The following BRSK2 variants were observed in gnomAD, a reference collection of about 807,000 sequenced individuals.
The protein encoded by BRSK2 is serine/threonine-protein kinase BRSK2.
BRSK2 carries 19 observed loss-of-function variants against 83.3 expected under a neutral mutation model. The ratio of observed to expected loss-of-function variants is 0.23; its 90% CI spans 0.16 to 0.33. The LOEUF (loss-of-function observed/expected upper bound fraction) is 0.33. Ranked by LOEUF, BRSK2 falls within the 10% of genes least tolerant of loss-of-function variation. The pLI, the probability that BRSK2 is intolerant of heterozygous loss-of-function variation, is 1.00. For synonymous variants in BRSK2, 519 were observed against 435.4 expected, an observed-to-expected ratio of 1.19 and a Z score of -2.39; for missense variants, 798 against 1,042.3, an observed-to-expected ratio of 0.77 and a Z score of 3.23.
At chr11:1,452,032 G>C (rs373960722) in intron 15 of BRSK2, among the ~76,000 whole-genome samples, 1 of 152,144 alleles carries the variant, frequency 6.6e-6, no homozygotes, top group African/African-American at 2.4e-5. Context: ...GCAGTGTCTC[G>C]GAGACCAGGC....
intron 1 of BRSK2, among the ~76,000 whole-genome samples, chr11:1,426,245 G>T: frequency 6.6e-6 from 1 of 150,920 alleles, no homozygotes; most frequent in East Asian, 2.0e-4. Context: ...GTGCTCCGGG[G>T]ATGTGTGTGG....
At position 1,450,813 on chromosome 11, in the gene BRSK2, GC is replaced by G. The variant is rs1845727115; in HGVS notation, c.1495+20del. 2 of 1,579,814 alleles carry G rather than the reference GC, an allele frequency of 1.3e-6. No homozygotes were observed. The highest frequency in any genetic ancestry group is 1.9e-5 in the Admixed American group (1 of 52,700). Reference sequence around the variant, plus strand: ...CTGCAAGGTGAGTGTCTGCCCGGAGGCGCCAGAGTGGGGCTGGGAGAGAGCA... The same window carrying G: ...CTGCAAGGTGAGTGTCTGCCCGGAGGGCCAGAGTGGGGCTGGGAGAGAGCA... On this transcript the variant is annotated intron_variant, in intron 14 of 19. Transcript: ENST00000528841.
Position 1,450,659 on chromosome 11 carries a change from G to A in BRSK2, c.1360G>A (p.Glu454Lys), listed in dbSNP as rs771791861. Residue 454 changes from glutamate (E) to lysine (K), a missense_variant, in exon 14 of 20, where the codon GAG (glutamate) becomes AAG (lysine). Around this residue, in one of 6 missense-constraint regions of BRSK2, gnomAD observed 455 missense variants for 455.2 expected, o/e 1.00. Transcript: ENST00000528841. ...PKGTPVHTPK[E>K]SPAGTPNPTP... is the part of the protein sequence containing the mutation. ...GGGGACACCTGTCCACACGCCAAAG[G>A]AGAGCCCGGCTGGCACGCCCAACCC... 6.2e-7 allele frequency: 1 copy of A among 1,609,382 alleles called. No individual in the cohort carries two copies. The highest frequency in any genetic ancestry group is 8.5e-7 in the Non-Finnish European group (1 of 1,178,724).
In BRSK2 at chr11:1,456,396, G is replaced by A. The variant is rs777442074; in HGVS notation, c.1717G>A (p.Glu573Lys). The change falls in exon 17 of 20, where the codon GAG (glutamate) becomes AAG (lysine). Residue 573 changes from glutamate to lysine, a missense_variant. Glu to Lys is a moderately conservative substitution (Grantham distance 56, BLOSUM62 1). This residue lies in a region of BRSK2 where 455 missense variants were observed against 455.2 expected (regional missense o/e 1.00). Transcript: ENST00000528841. ...SVISQTSFRA[E>K]YKATGGPAVF... ...CATCTCCCAAACGAGCTTCCGGGCCGAGTACAAGGCCACGGGGGGGCCAGC... is the reference window on the plus strand; with the variant it reads ...CATCTCCCAAACGAGCTTCCGGGCCAAGTACAAGGCCACGGGGGGGCCAGC... 1 of 1,601,402 alleles carries A rather than the reference G, an allele frequency of 6.2e-7. No homozygotes were observed. Among genetic ancestry groups the A allele is most frequent in the Non-Finnish European group, 8.5e-7 (1 of 1,174,540 alleles).
At chr11:1,433,656 G>A (rs1488585285) in intron 1 of BRSK2, among the ~76,000 whole-genome samples, 1 of 152,252 alleles carries the variant, frequency 6.6e-6, no homozygotes, top group Non-Finnish European at 1.5e-5. Context: ...TGCCTGGGGA[G>A]GGATGCGCTG....
rs200880243 is a variant in BRSK2 at position 1,445,713 on chromosome 11, C to A, written c.1076-44C>A. 740 of 1,611,014 alleles carry A rather than the reference C, an allele frequency of 4.6e-4. 5 individuals are homozygous for A. In the African/African-American group the frequency reaches 9.2e-3, roughly 20 times the overall value. The stretch of plus-strand genomic sequence containing the variant: ...CTCCAGCCCGGCCTGCACTGCCCCA[C>A]CGGGGTCCGGGGGCTGTCTGGCCTG... On this transcript the variant is annotated intron_variant, in intron 11 of 19. Transcript: ENST00000528841.
rs1242368020 is a variant in BRSK2, at chr11:1,454,679, G to T, written c.1668+71G>T. 6.7e-5 allele frequency: 106 copies of T among 1,576,846 alleles called. No individual in the cohort carries two copies. The highest frequency in any genetic ancestry group is 9.0e-5 in the Non-Finnish European group (104 of 1,157,208). ...CACACGGCCCAGCCCCGAGAATCCA[G>T]CCTCCTCACGTAGACAGGACATGTC... On this transcript the variant is annotated intron_variant, in intron 16 of 19. Coordinates refer to ENST00000528841, the MANE Select transcript of BRSK2 (RefSeq NM_001256627.2). This position sits in a 1 kb window ranked among gnomAD's most constrained non-coding sequence, Gnocchi z 5.2.
intron 1 of BRSK2, chr11:1,411,525 G>A (rs750262974): frequency 2.1e-5 from 32 of 1,532,374 alleles, no homozygotes; most frequent in East Asian, 7.1e-5. Context: ...GGGAGGGGCC[G>A]CACATCACAG....
chr11:1,454,552 A>G lies in BRSK2; in HGVS notation c.1612A>G (p.Ile538Val). The G allele has an allele frequency of 3.1e-6, 5 of 1,613,304 alleles. No homozygotes were observed. The highest frequency in any genetic ancestry group is 4.2e-6 in the Non-Finnish European group (5 of 1,179,952). ...LEKEEQIFVV[I>V]KDKPLSSIKA... ...GAAGGAGGAGCAGATCTTCGTGGTCATCAAAGACAAACCTCTGAGCTCCAT... is the reference window on the plus strand; with the variant it reads ...GAAGGAGGAGCAGATCTTCGTGGTCGTCAAAGACAAACCTCTGAGCTCCAT... The change falls in exon 16 of 20, where the codon ATC becomes GTC. Residue 538 changes from isoleucine to valine, a missense_variant. Ile to Val is a conservative substitution (Grantham distance 29). This residue lies in a region of BRSK2 where 455 missense variants were observed against 455.2 expected (regional missense o/e 1.00). Transcript: ENST00000528841. This position sits in a 1 kb window ranked among gnomAD's most constrained non-coding sequence, Gnocchi z 5.2.
intron 1 of BRSK2, among the ~76,000 whole-genome samples, chr11:1,435,751 G>C (rs117478347): frequency 0.026 from 3,893 of 151,556 alleles, 67 homozygotes; most frequent in Non-Finnish European, 0.032. Context: ...AAGGCTGAAG[G>C]GAGGGGATTT....
In BRSK2 at chr11:1,390,213, CGGGCGGACGCT is replaced by C. The variant is rs1167553357; in HGVS notation, c.-65_-55del. 1.2e-6 allele frequency: 1 copy of C among 839,220 alleles called. No homozygotes were observed. Among genetic ancestry groups the C allele is most frequent in the African/African-American group, 1.9e-5 (1 of 53,238 alleles). 52.0% of individuals were successfully genotyped at this position (839,220 alleles called of 1,614,324 possible). A position where few individuals can be genotyped will look rare whatever the true frequency, so the allele number is the denominator to read the frequency against. ...CGGCGCGGACGGCACTCGGCGGACGCGGGCGGACGCTGGGCGGCCCCTCCCTGCCCGCGCGC... is the reference window on the plus strand; with the variant it reads ...CGGCGCGGACGGCACTCGGCGGACGCGGGCGGCCCCTCCCTGCCCGCGCGC... On this transcript the variant is annotated 5_prime_UTR_variant, in exon 1 of 20. Transcript: ENST00000528841. The surrounding 1 kb of genome is among the most constrained non-coding windows in gnomAD (Gnocchi z 6.8).
intron 12 of BRSK2, chr11:1,447,647 C>T (rs986473500): frequency 1.4e-4 from 103 of 727,844 alleles, no homozygotes; most frequent in Non-Finnish European, 8.7e-5. Flanking sequence ...GCGGGGTGTG[C>T]TGTCTGGCCC....
intron 8 of BRSK2, among the ~76,000 whole-genome samples, chr11:1,444,369 G>A (rs1851738532): frequency 6.6e-6 from 1 of 152,180 alleles, no homozygotes; most frequent in Non-Finnish European, 1.5e-5. Flanking sequence ...GACCCTTCCA[G>A]GGTAGCGTTG....
rs1845658348 is a variant in BRSK2 at position 1,390,564 on chromosome 11, G to A, written c.91+189G>A. 7.0e-6 allele frequency among the ~76,000 whole-genome samples: 1 copy of A among 142,684 alleles called. No individual in the cohort carries two copies. The highest frequency in any genetic ancestry group is 1.5e-5 in the Non-Finnish European group (1 of 65,124). 93.6% of individuals were successfully genotyped at this position (142,684 alleles called of 152,430 possible). On this transcript the variant is annotated intron_variant, in intron 1 of 19. Coordinates refer to ENST00000528841, the MANE Select transcript of BRSK2 (RefSeq NM_001256627.2). The surrounding 1 kb of genome is among the most constrained non-coding windows in gnomAD (Gnocchi z 6.8). Reference sequence around the variant, plus strand: ...GGTTCCGCCGCGGATCCCGCAGGCCGCTTGGCTGCGGTCGGCCGGGCGCGG... The same window carrying A: ...GGTTCCGCCGCGGATCCCGCAGGCCACTTGGCTGCGGTCGGCCGGGCGCGG...
chr11:1,421,171 AG>A (rs762474218), intron 1 of BRSK2, among the ~76,000 whole-genome samples: 71 of 152,110 alleles, frequency 4.7e-4, no homozygotes, highest in Non-Finnish European at 8.4e-4. Flanking sequence ...TGCGCTTCGG[AG>A]GGGAGGGACA....
chr11:1,450,044 T>C (rs533745329), intron 13 of BRSK2, among the ~76,000 whole-genome samples: 12 of 152,280 alleles, frequency 7.9e-5, no homozygotes, highest in African/African-American at 2.6e-4. Context: ...TTTGTTTTCT[T>C]GTGTGTCACT....
chr11:1,442,500 C>T lies in BRSK2; in HGVS notation c.424C>T (p.Leu142=). ...CHSHSICHRD[L]KPENLLLDEK... The stretch of plus-strand genomic sequence containing the variant: ...CACCCTCCTCCCCAGCCACAGGGAT[C>T]TGAAACCTGAAAACCTCCTGCTGGA... The change falls in exon 5 of 20, where the codon CTG becomes TTG. Residue 142 remains leucine, a synonymous_variant. Coordinates refer to ENST00000528841, the MANE Select transcript of BRSK2 (RefSeq NM_001256627.2). The T allele has an allele frequency of 9.9e-6, 16 of 1,612,872 alleles. No individual in the cohort carries two copies. The highest frequency in any genetic ancestry group is 1.4e-5 in the Non-Finnish European group (16 of 1,179,634).
At chr11:1,450,531 C>T in intron 13 of BRSK2, 56 bp from the exon 14 acceptor site, 5 of 897,608 alleles carry the variant, frequency 5.6e-6, no homozygotes, top group Non-Finnish European at 8.5e-6. Flanking sequence ...CGGGTGCCCC[C>T]CCGGCCCCCA....
chr11:1,456,778 CG>C (rs1846612027), intron 18 of BRSK2, 91 bp downstream of exon 18: 8 of 1,398,506 alleles, frequency 5.7e-6, no homozygotes, highest in South Asian at 3.8e-5. Context: ...AGGACCCGGG[CG>C]CAGCCTCCTG....
Sources: gnomAD v4.1 joint callset for allele counts (sites outside exome capture counted in the v4.1 genomes callset) on GRCh38, gnomAD v4.1.1 for gene constraint, gnomAD v4.1.1 regional missense constraint, Gnocchi (gnomAD v3.1) non-coding constraint, MANE v1.5 for transcripts, NCBI Gene and HGNC (gene_info 2026-07-23, HGNC 2026-07-21) for gene names.